Variants in DGKI observed in about 807,000 individuals in gnomAD.
The protein encoded by DGKI is diacylglycerol kinase iota.
Under a neutral mutation model 147.5 loss-of-function variants are expected in DGKI, and 55 were observed. The ratio of observed to expected loss-of-function variants is 0.37; its 90% confidence interval spans 0.30 to 0.47. The LOEUF is 0.47. Ranked by LOEUF, DGKI falls within the 20% of genes least tolerant of loss-of-function variation. The pLI is 1.00. For missense variants in DGKI, 1,007 were observed against 1,323.8 expected, an observed-to-expected ratio of 0.76 and a Z score of 3.71; for synonymous variants, 469 against 477.1, an observed-to-expected ratio of 0.98 and a Z score of 0.22.
intron 1 of DGKI, among the ~76,000 whole-genome samples, chr7:137,743,947 C>A (rs1370031870): frequency 6.7e-6 from 1 of 148,664 alleles, no homozygotes; most frequent in Non-Finnish European, 1.5e-5. Flanking sequence ...AGCACCACTG[C>A]ACTCCAGCCT....
chr7:137,570,677 T>C (rs1317948889), intron 19 of DGKI, among the ~76,000 whole-genome samples: 3 of 152,030 alleles, frequency 2.0e-5, no homozygotes, highest in Non-Finnish European at 4.4e-5. Flanking sequence ...CTGCAACCTT[T>C]GCCTCCTGTG....
At chr7:137,756,677 T>A (rs1795693103) in intron 1 of DGKI, among the ~76,000 whole-genome samples, 1 of 152,182 alleles carries the variant, frequency 6.6e-6, no homozygotes, top group Non-Finnish European at 1.5e-5. Flanking sequence ...CATCCATATC[T>A]ACGATCTAAA....
In DGKI at chr7:137,742,729, A is replaced by G. The variant is rs1585432672; in HGVS notation, c.402-52727T>C. Among the ~76,000 whole-genome samples the G allele has an allele frequency of 8.0e-5, 12 of 149,112 alleles. 1 individual carries two copies. In the South Asian group the frequency reaches 2.5e-3, roughly 31 times the overall value. ...AAAGGTACTCAGCTACCGGGGGAAA[A>G]AAAATAAAGTCAGAAAGGAAAATTT... is the stretch of plus-strand genomic sequence containing the variant. On this transcript the variant is annotated intron_variant, in intron 1 of 32. Coordinates refer to ENST00000614521, the MANE Select transcript of DGKI (RefSeq NM_001321708.2).
At chr7:137,664,419 A>AT (rs1322100446) in intron 3 of DGKI, among the ~76,000 whole-genome samples, 24 of 151,682 alleles carry the variant, frequency 1.6e-4, no homozygotes, top group African/African-American at 5.6e-4. Flanking sequence ...AAGAAAAAAA[A>AT]GGAAAGGAAA....
chr7:137,571,857 A>AGAAGAAGGACAAGAGAG (rs1159552472), intron 18 of DGKI, among the ~76,000 whole-genome samples: 5 of 152,174 alleles, frequency 3.3e-5, no homozygotes, highest in Non-Finnish European at 5.9e-5. Flanking sequence ...AAGAAAAGAC[A>AGAAGAAGGACAAGAGAG]GAAGAAGGAC....
intron 1 of DGKI, among the ~76,000 whole-genome samples, chr7:137,711,128 C>T (rs759038876): frequency 1.9e-4 from 29 of 152,156 alleles, no homozygotes; most frequent in Middle Eastern, 6.8e-3. Context: ...TACCTCTTGG[C>T]AAGATATAGA....
chr7:137,667,500 G>A (rs1357113418), intron 3 of DGKI, among the ~76,000 whole-genome samples: 1 of 151,974 alleles, frequency 6.6e-6, no homozygotes, highest in Non-Finnish European at 1.5e-5. Context: ...AGTCCTTGCT[G>A]GTGTGACAGT....
At chr7:137,789,624 A>AC (rs1474303758) in intron 1 of DGKI, among the ~76,000 whole-genome samples, 1 of 152,218 alleles carries the variant, frequency 6.6e-6, no homozygotes, top group Non-Finnish European at 1.5e-5. Flanking sequence ...AGGAAAAAAA[A>AC]ACACACAAAA....
intron 1 of DGKI, among the ~76,000 whole-genome samples, chr7:137,705,532 T>C (rs957827376): frequency 3.9e-5 from 6 of 152,074 alleles, no homozygotes; most frequent in Non-Finnish European, 7.4e-5. Flanking sequence ...AACTAACCTA[T>C]TGCAGTAGAA....
intron 12 of DGKI, among the ~76,000 whole-genome samples, chr7:137,596,451 T>G (rs2128987759): frequency 6.6e-6 from 1 of 152,294 alleles, no homozygotes; most frequent in Admixed American, 6.5e-5. Flanking sequence ...GATGTAATTC[T>G]TACTAAAGAA....
chr7:137,703,652 C>T (rs1341200895), intron 1 of DGKI, among the ~76,000 whole-genome samples: 1 of 152,080 alleles, frequency 6.6e-6, no homozygotes. Flanking sequence ...CCAGAGACTT[C>T]AGTAGTCATA....
chr7:137,637,323 G>A (rs1821348386), intron 6 of DGKI, among the ~76,000 whole-genome samples: 1 of 152,122 alleles, frequency 6.6e-6, no homozygotes, highest in Non-Finnish European at 1.5e-5. Context: ...GATCTGAAAA[G>A]GTAATAATAT....
intron 21 of DGKI, among the ~76,000 whole-genome samples, chr7:137,500,829 A>G (rs1816145817): frequency 6.6e-6 from 1 of 152,194 alleles, no homozygotes; most frequent in Non-Finnish European, 1.5e-5. Flanking sequence ...CAGGGTAATT[A>G]AGCAATCTAT....
intron 5 of DGKI, among the ~76,000 whole-genome samples, chr7:137,648,051 C>G (rs549816487): frequency 6.8e-6 from 1 of 147,194 alleles, no homozygotes; most frequent in Non-Finnish European, 1.5e-5. Context: ...ACAGGGCTCA[C>G]GCTATTCAAC....
At chr7:137,746,575 T>G (rs1039580503) in intron 1 of DGKI, among the ~76,000 whole-genome samples, 2 of 152,138 alleles carry the variant, frequency 1.3e-5, no homozygotes, top group Non-Finnish European at 2.9e-5. Context: ...TTTGTTTGTT[T>G]GTTTGTTTTT....
intron 21 of DGKI, among the ~76,000 whole-genome samples, chr7:137,517,407 AAGAG>A (rs1816817609): frequency 6.8e-6 from 1 of 146,452 alleles, no homozygotes; most frequent in African/African-American, 2.7e-5. Context: ...AAGAGAGAGA[AAGAG>A]AGAGAAAGAA....
intron 21 of DGKI, among the ~76,000 whole-genome samples, chr7:137,518,033 A>G (rs1816839691): frequency 6.6e-6 from 1 of 152,112 alleles, no homozygotes; most frequent in South Asian, 2.1e-4. Context: ...CAAGCCAGGA[A>G]GAGTTCTACA....
rs181526501 is a variant in DGKI, at chr7:137,841,615, G to A, written c.401+4847C>T. On this transcript the variant is annotated intron_variant, in intron 1 of 32. Coordinates refer to ENST00000614521, the MANE Select transcript of DGKI (RefSeq NM_001321708.2). ...AAGAAAGCAAATGTCACAGCCCAAC[G>A]TGTAGGCAATAGTTCTTCCAGATGC... Among the ~76,000 whole-genome samples the A allele has an allele frequency of 2.6e-4, 39 of 152,292 alleles. 1 individual carries two copies. The highest frequency in any genetic ancestry group is 8.7e-4 in the African/African-American group (36 of 41,558).
chr7:137,569,875 T>C (rs1027724363), intron 19 of DGKI, among the ~76,000 whole-genome samples: 4 of 151,780 alleles, frequency 2.6e-5, no homozygotes, highest in Non-Finnish European at 5.9e-5. Context: ...TAAGGAGCTA[T>C]ATTGTGTTAC....
Sources: gnomAD v4.1 joint callset for allele counts (sites outside exome capture counted in the v4.1 genomes callset) on GRCh38, gnomAD v4.1.1 for gene constraint, MANE v1.5 for transcripts, NCBI Gene and HGNC (gene_info 2026-07-23, HGNC 2026-07-21) for gene names.